NUP210L: variants seen among roughly 807,000 people sequenced by gnomAD.
NUP210L encodes nuclear pore membrane glycoprotein 210-like.
In NUP210L, 74 loss-of-function variants were observed where a neutral mutation model predicts 208.5. The ratio of observed to expected loss-of-function variants is 0.35; its 90% CI spans 0.29 to 0.43. The LOEUF (loss-of-function observed/expected upper bound fraction) is 0.43, where lower values mean the gene tolerates loss of function less well. Among genes scored for constraint, NUP210L ranks in the 20% least tolerant of loss-of-function variants. NUP210L has a pLI of 1.00. For synonymous variants in NUP210L, 780 were observed against 816.9 expected, an observed-to-expected ratio of 0.95 and a Z score of 0.77; for missense variants, 1,843 against 2,289.4, an observed-to-expected ratio of 0.81 and a Z score of 3.98.
chr1:154,081,802 T>C (rs1028652633), intron 16 of NUP210L, among the ~76,000 whole-genome samples: 2 of 152,076 alleles, frequency 1.3e-5, no homozygotes, highest in African/African-American at 4.8e-5. Context: ...GGCAACCCAG[T>C]GAGACCCTGA....
chr1:154,150,088 G>A (rs1659308193), intron 2 of NUP210L, among the ~76,000 whole-genome samples: 1 of 152,140 alleles, frequency 6.6e-6, no homozygotes, highest in South Asian at 2.1e-4. Context: ...AATTTAGCGG[G>A]GCAAGGCCAG....
intron 27 of NUP210L, among the ~76,000 whole-genome samples, chr1:154,041,013 G>C (rs909005785): frequency 6.6e-6 from 1 of 152,278 alleles, no homozygotes; most frequent in African/African-American, 2.4e-5. Flanking sequence ...CTTCCAGGCT[G>C]GAGTGCCGTG....
In NUP210L at chr1:154,045,526, T is replaced by C. The variant is rs553044490; in HGVS notation, c.3696+543A>G. ...AGAAAGATCACTTTTGAGAGCTCTT[T>C]CCAGCAAAAAATAAAAATAAATAAT... On this transcript the variant is annotated intron_variant, in intron 27 of 39. Transcript: ENST00000368559. Among the ~76,000 whole-genome samples the C allele has an allele frequency of 1.7e-3, 262 of 152,274 alleles. 1 individual carries two copies. The highest frequency in any genetic ancestry group is 6.0e-3 in the African/African-American group (251 of 41,560).
intron 3 of NUP210L, among the ~76,000 whole-genome samples, chr1:154,142,248 T>C (rs557200424): frequency 6.6e-6 from 1 of 151,780 alleles, no homozygotes; most frequent in South Asian, 2.1e-4. Context: ...TGGCAATACA[T>C]TATAATTTTT....
chr1:154,043,408 G>A (rs1413383163), intron 27 of NUP210L, among the ~76,000 whole-genome samples: 5 of 151,532 alleles, frequency 3.3e-5, no homozygotes, highest in African/African-American at 1.2e-4. Context: ...TCCACCTCCC[G>A]GGTTCAAGCG....
chr1:154,020,452 G>T (rs1452807029), intron 32 of NUP210L, among the ~76,000 whole-genome samples: 1 of 152,140 alleles, frequency 6.6e-6, no homozygotes, highest in Non-Finnish European at 1.5e-5. Flanking sequence ...CTGGGCTCAT[G>T]CAATCTTCCC....
At chr1:154,110,875 C>T (rs1657002986) in intron 12 of NUP210L, among the ~76,000 whole-genome samples, 1 of 149,382 alleles carries the variant, frequency 6.7e-6, no homozygotes, top group South Asian at 2.1e-4. Context: ...AAGACCTTGC[C>T]TGAAAAAAAA....
At chr1:153,999,681 G>A (rs1650093380) in intron 37 of NUP210L, among the ~76,000 whole-genome samples, 1 of 134,976 alleles carries the variant, frequency 7.4e-6, no homozygotes, top group South Asian at 2.5e-4. Flanking sequence ...AGGTTGCAGT[G>A]AGCCGAGATC....
At chr1:154,077,563 G>C (rs1472525732) in intron 16 of NUP210L, among the ~76,000 whole-genome samples, 2 of 151,990 alleles carry the variant, frequency 1.3e-5, no homozygotes, top group Admixed American at 1.3e-4. Flanking sequence ...TGCAATGAAA[G>C]GTCACTAGAC....
At chr1:154,014,811 C>T (rs529280553) in intron 33 of NUP210L, among the ~76,000 whole-genome samples, 5 of 152,040 alleles carry the variant, frequency 3.3e-5, no homozygotes, top group Admixed American at 6.6e-5. Flanking sequence ...TGACACCAGC[C>T]TGGCCAACAT....
At chr1:154,057,030 G>A in intron 22 of NUP210L, 83 bp from the exon 23 acceptor site, 1 of 1,386,722 alleles carries the variant, frequency 7.2e-7, no homozygotes, top group South Asian at 1.3e-5. Context: ...CCAGGCTGGA[G>A]TGCAGTGGCA....
At chr1:154,039,488 G>A (rs1158515340) in intron 27 of NUP210L, among the ~76,000 whole-genome samples, 5 of 151,936 alleles carry the variant, frequency 3.3e-5, no homozygotes, top group South Asian at 4.2e-4. Flanking sequence ...CACCTGCCTC[G>A]GCCTCCCAAA....
chr1:154,113,259 T>TTA (rs771773773), intron 12 of NUP210L, among the ~76,000 whole-genome samples: 182 of 147,418 alleles, frequency 1.2e-3, no homozygotes, highest in South Asian at 7.4e-3. Flanking sequence ...TATAAATACA[T>TTA]TATATATATA....
At chr1:154,135,524 C>T (rs1352303166) in intron 7 of NUP210L, among the ~76,000 whole-genome samples, 1 of 151,910 alleles carries the variant, frequency 6.6e-6, no homozygotes, top group African/African-American at 2.4e-5. Context: ...CGGGTTCACA[C>T]CATTCTCCTG....
chr1:154,108,973 G>A (rs542922222), intron 12 of NUP210L, among the ~76,000 whole-genome samples: 32 of 151,738 alleles, frequency 2.1e-4, no homozygotes, highest in Admixed American at 2.0e-3. Flanking sequence ...AGTAGCACAT[G>A]CCTGTAATCC....
At chr1:154,033,128 G>T (rs900630070) in intron 27 of NUP210L, among the ~76,000 whole-genome samples, 1 of 152,102 alleles carries the variant, frequency 6.6e-6, no homozygotes, top group African/African-American at 2.4e-5. Context: ...TGTTTGAGCT[G>T]CTTATATAAT....
chr1:154,029,841 A>T, intron 28 of NUP210L, 55 bp downstream of exon 28: 1 of 1,390,808 alleles, frequency 7.2e-7, no homozygotes, highest in Admixed American at 2.0e-5. Flanking sequence ...TGGTAAGAGA[A>T]TATAACTTTC....
At chr1:154,152,439 G>A (rs562590983) in intron 2 of NUP210L, among the ~76,000 whole-genome samples, 2 of 151,704 alleles carry the variant, frequency 1.3e-5, no homozygotes, top group Admixed American at 1.3e-4. Context: ...CTCCCAAAGT[G>A]GGGGGATTAC....
chr1:154,010,664 A>T (rs911910333), intron 34 of NUP210L, among the ~76,000 whole-genome samples: 1 of 152,076 alleles, frequency 6.6e-6, no homozygotes, highest in Non-Finnish European at 1.5e-5. Context: ...TGAGGTTGGG[A>T]GTTCGAGACC....
Sources: allele counts gnomAD v4.1 joint callset (sites outside exome capture counted in the v4.1 genomes callset), GRCh38; gene constraint gnomAD v4.1.1; transcripts MANE v1.5; gene names NCBI Gene and HGNC (gene_info 2026-07-23, HGNC 2026-07-21).